KLF12: variants seen among roughly 807,000 people sequenced by gnomAD.
KLF12 encodes Krueppel-like factor 12.
KLF12 carries 9 observed loss-of-function variants against 37.8 expected under a neutral mutation model. The ratio of observed to expected loss-of-function variants is 0.24; its 90% confidence interval spans 0.14 to 0.42. The LOEUF (loss-of-function observed/expected upper bound fraction) is 0.42. Among genes scored for constraint, KLF12 ranks in the 10% least tolerant of loss-of-function variants. The pLI, the probability that KLF12 is intolerant of heterozygous loss-of-function variation, is 1.00. For missense variants in KLF12, 411 were observed against 516.0 expected, an observed-to-expected ratio of 0.80 and a Z score of 1.97; for synonymous variants, 208 against 202.1, an observed-to-expected ratio of 1.03 and a Z score of -0.25.
At chr13:73,863,231 CAAG>C (rs1384339670) in intron 3 of KLF12, among the ~76,000 whole-genome samples, 1 of 152,064 alleles carries the variant, frequency 6.6e-6, no homozygotes, top group African/African-American at 2.4e-5. Flanking sequence ...GAATAACTGA[CAAG>C]AAGTCATGGG....
intron 2 of KLF12, among the ~76,000 whole-genome samples, chr13:73,993,781 G>A (rs977448618): frequency 3.3e-5 from 5 of 152,164 alleles, no homozygotes; most frequent in Admixed American, 3.3e-4. Context: ...TTGCAAGCCA[G>A]GTGGTAAAGC....
At chr13:73,961,192 G>A (rs979869272) in intron 2 of KLF12, among the ~76,000 whole-genome samples, 1 of 152,100 alleles carries the variant, frequency 6.6e-6, no homozygotes, top group Non-Finnish European at 1.5e-5. Context: ...TATTGGAAAT[G>A]TTTTTTGAGA....
the KLF12 span, among the ~76,000 whole-genome samples, chr13:74,219,757 C>T: frequency 1.3e-5 from 2 of 152,226 alleles, no homozygotes; most frequent in Non-Finnish European, 2.9e-5. Flanking sequence ...GGAAACATTC[C>T]GTGGTCTTCT....
the KLF12 span, among the ~76,000 whole-genome samples, chr13:74,253,038 CCTAT>C: frequency 5.4e-4 from 81 of 151,322 alleles, no homozygotes; most frequent in African/African-American, 1.7e-3. Context: ...TGTCTATCTA[CCTAT>C]CTATCTATCA....
At position 73,995,051 on chromosome 13, in the gene KLF12, A is replaced by G. The variant is rs746743413; in HGVS notation, c.-29T>C. The G allele has an allele frequency of 6.3e-7, 1 of 1,595,642 alleles. No individual in the cohort carries two copies. Among genetic ancestry groups the G allele is most frequent in the African/African-American group, 1.3e-5 (1 of 74,368 alleles). ...TCCATTTGTTCTTAGAGTCACATTG[A>G]TCCTGCAAGAAAAACACAAAGACAA... On this transcript the variant is annotated splice_region_variant and 5_prime_UTR_variant, in exon 2 of 8. Coordinates refer to ENST00000377669, the MANE Select transcript of KLF12 (RefSeq NM_007249.5).
chr13:74,298,573 G>C, the KLF12 span, among the ~76,000 whole-genome samples: 1 of 152,180 alleles, frequency 6.6e-6, no homozygotes, highest in Non-Finnish European at 1.5e-5. Flanking sequence ...CCATATGGGA[G>C]TTAGGAGTAG....
the KLF12 span, among the ~76,000 whole-genome samples, chr13:74,193,477 A>C: frequency 6.6e-6 from 1 of 152,270 alleles, no homozygotes. Flanking sequence ...ATTCAAACCC[A>C]GGTTTATTTG....
chr13:74,292,916 A>C, the KLF12 span, among the ~76,000 whole-genome samples: 1 of 152,218 alleles, frequency 6.6e-6, no homozygotes, highest in South Asian at 2.1e-4. Flanking sequence ...CTGAGCCCAG[A>C]GCCTAGAAAA....
At chr13:73,966,014 T>G (rs1371722998) in intron 2 of KLF12, among the ~76,000 whole-genome samples, 1 of 152,222 alleles carries the variant, frequency 6.6e-6, no homozygotes, top group East Asian at 1.9e-4. Context: ...AATTGTTAAC[T>G]CTTGGAATTT....
chr13:73,763,756 A>G (rs1879718616), intron 6 of KLF12, among the ~76,000 whole-genome samples: 1 of 152,124 alleles, frequency 6.6e-6, no homozygotes, highest in East Asian at 1.9e-4. Flanking sequence ...CCTTTCACAT[A>G]ATGATCATCA....
intron 3 of KLF12, among the ~76,000 whole-genome samples, chr13:73,858,817 A>G (rs1279039012): frequency 2.0e-5 from 3 of 152,216 alleles, no homozygotes; most frequent in Middle Eastern, 3.2e-3. Flanking sequence ...AAAAATGGAG[A>G]GCATTAAGAA....
At chr13:74,234,727 C>A in the KLF12 span, among the ~76,000 whole-genome samples, 1 of 151,528 alleles carries the variant, frequency 6.6e-6, no homozygotes, top group Non-Finnish European at 1.5e-5. Context: ...GTAGGTTTTG[C>A]CACTCTTACC....
chr13:73,979,354 AACAC>A (rs71115629), intron 2 of KLF12, among the ~76,000 whole-genome samples: 1,828 of 139,634 alleles, frequency 0.013, 18 homozygotes, highest in East Asian at 0.054. Flanking sequence ...TCTGCTTTTA[AACAC>A]ACACACACAC....
At chr13:73,809,137 C>A (rs932287649) in intron 5 of KLF12, among the ~76,000 whole-genome samples, 10 of 152,200 alleles carry the variant, frequency 6.6e-5, no homozygotes, top group Non-Finnish European at 1.5e-4. Context: ...TCCCTACCTG[C>A]AGCCATCCTT....
the KLF12 span, among the ~76,000 whole-genome samples, chr13:74,233,430 C>T: frequency 1.3e-5 from 2 of 152,114 alleles, no homozygotes; most frequent in African/African-American, 4.8e-5. Context: ...ACGAGAGTGC[C>T]TCGGGACAAG....
intron 1 of KLF12, among the ~76,000 whole-genome samples, chr13:74,111,269 A>G (rs958641977): frequency 1.3e-5 from 2 of 152,144 alleles, no homozygotes; most frequent in Non-Finnish European, 2.9e-5. Context: ...TGAAGGAAAA[A>G]CAGAACAGAT....
intron 4 of KLF12, among the ~76,000 whole-genome samples, chr13:73,832,726 G>A (rs891532112): frequency 6.6e-6 from 1 of 152,188 alleles, no homozygotes; most frequent in Non-Finnish European, 1.5e-5. Flanking sequence ...CTCACAGAGA[G>A]ATATTTAACT....
chr13:74,015,797 C>T (rs1324418871), intron 1 of KLF12, among the ~76,000 whole-genome samples: 1 of 152,178 alleles, frequency 6.6e-6, no homozygotes, highest in Non-Finnish European at 1.5e-5. Flanking sequence ...TATTACGGGA[C>T]TCACTTATGC....
At chr13:74,101,081 A>G (rs1051591422) in intron 1 of KLF12, among the ~76,000 whole-genome samples, 1 of 152,176 alleles carries the variant, frequency 6.6e-6, no homozygotes, top group South Asian at 2.1e-4. Context: ...TCATCTGCAT[A>G]TAAGACAACT....
Sources: gnomAD v4.1 joint callset for allele counts (sites outside exome capture counted in the v4.1 genomes callset) on GRCh38, gnomAD v4.1.1 for gene constraint, MANE v1.5 for transcripts, NCBI Gene and HGNC (gene_info 2026-07-23, HGNC 2026-07-21) for gene names.